MYO1F: variants seen among roughly 807,000 people sequenced by gnomAD.
MYO1F encodes myosin IF.
MYO1F carries 60 observed loss-of-function variants against 146.6 expected under a neutral mutation model. The ratio of observed to expected loss-of-function variants is 0.41; its 90% confidence interval spans 0.33 to 0.51. The LOEUF (loss-of-function observed/expected upper bound fraction) is 0.51, where lower values mean the gene tolerates loss of function less well. MYO1F is among the 20% of genes least tolerant of loss of function. The probability of loss-of-function intolerance (pLI) is 0.25; values close to 1 mark genes in which losing one functional copy is unlikely to be tolerated. For synonymous variants in MYO1F, 602 were observed against 602.1 expected (o/e 1.00, Z 0.00); for missense variants, 1,274 against 1,534.3 (o/e 0.83, Z 2.83).
At chr19:8,540,266 A>G (rs1599945259) in intron 15 of MYO1F, 1 of 440,220 alleles carries the variant, frequency 2.3e-6, no homozygotes, top group African/African-American at 2.0e-5. Context: ...GCAGCCTGGA[A>G]CTCCTGGGCT....
rs368629918 is a variant in MYO1F at position 8,553,542 on chromosome 19, G to A, written c.327-105C>T. The A allele has an allele frequency of 6.2e-4, 549 of 891,830 alleles. 4 individuals carry two copies. In the East Asian group the frequency reaches 6.6e-3, roughly 11 times the overall value. 55.2% of individuals were successfully genotyped at this position (891,830 alleles called of 1,614,324 possible). A position where few individuals can be genotyped will look rare whatever the true frequency, so the allele number is the denominator to read the frequency against. ...CCTACTGTGTGCCTGCCAGTATTCC[G>A]GGTACTGGGGATACTGTAATGAACA... is the stretch of plus-strand genomic sequence containing the variant. On this transcript the variant is annotated intron_variant, in intron 4 of 27. Coordinates refer to ENST00000644032, the MANE Select transcript of MYO1F (RefSeq NM_012335.4).
intron 25 of MYO1F, among the ~76,000 whole-genome samples, chr19:8,523,694 G>A (rs1326902565): frequency 6.6e-6 from 1 of 151,880 alleles, no homozygotes; most frequent in African/African-American, 2.4e-5. Flanking sequence ...TTGCTCTGTG[G>A]CCCAGGATGG....
rs762571645 is a variant in MYO1F at position 8,550,678 on chromosome 19, A to G, written c.788T>C (p.Ile263Thr). Residue 263 changes from isoleucine (I) to threonine (T), a missense_variant, in exon 9 of 28, where the codon ATT becomes ACT. By Grantham distance (89) the Ile-to-Thr change is moderately conservative. This residue lies in a region of MYO1F where 900 missense variants were observed against 1,155.1 expected (regional missense o/e 0.78). Transcript: ENST00000644032. ...CTGCTGGATGCTGGGCGGGATCCCA[A>G]TAACCTGCATAGCACTCTGTGGTAC... ...FGETLSAMQV[I>T]GIPPSIQQLV... is the part of the protein sequence containing the mutation. 12 of 1,614,100 alleles carry G rather than the reference A, an allele frequency of 7.4e-6. No homozygotes were observed. Among genetic ancestry groups the G allele is most frequent in the Admixed American group, 1.7e-5 (1 of 60,010 alleles).
chr19:8,531,818 C>T (rs1000791863), intron 19 of MYO1F, among the ~76,000 whole-genome samples: 1 of 152,000 alleles, frequency 6.6e-6, no homozygotes, highest in African/African-American at 2.4e-5. Flanking sequence ...CAATAAAATA[C>T]AGTAAATATG....
intron 19 of MYO1F, among the ~76,000 whole-genome samples, chr19:8,534,068 A>G (rs1401553739): frequency 2.6e-5 from 4 of 151,546 alleles, no homozygotes; most frequent in Admixed American, 2.6e-4. Flanking sequence ...AATTCCAGCT[A>G]CTTGGGAGGC....
chr19:8,539,586 ACT>A (rs1972870934), intron 16 of MYO1F, among the ~76,000 whole-genome samples: 2 of 136,322 alleles, frequency 1.5e-5, no homozygotes, highest in South Asian at 2.2e-4. Context: ...ACAGAGCAAG[ACT>A]CTGTCTCAAA....
At chr19:8,569,679 AG>A (rs2042073506) in intron 1 of MYO1F, among the ~76,000 whole-genome samples, 1 of 151,980 alleles carries the variant, frequency 6.6e-6, no homozygotes, top group Non-Finnish European at 1.5e-5. Flanking sequence ...GAGAGGTGAG[AG>A]GGCTTCCTGT....
chr19:8,572,854 C>A (rs1036710782), intron 1 of MYO1F, among the ~76,000 whole-genome samples: 1 of 152,134 alleles, frequency 6.6e-6, no homozygotes. Flanking sequence ...TGCCACCATG[C>A]CTGGCTAACT....
Position 8,526,590 on chromosome 19 carries a change from C to A in MYO1F, c.2633G>T (p.Arg878Leu). ...PLTFSDTLQF[R>L]VKKEGWGGGG... ...ACCGCCCCAGCCCTCCTTCTTCACC[C>A]GAAACTGTAGTCTATGGGGAGAGAA... The change falls in exon 24 of 28, where the codon CGG becomes CTG. Residue 878 changes from arginine (R) to leucine (L), a missense_variant. This residue lies in a region of MYO1F where 374 missense variants were observed against 379.2 expected (regional missense o/e 0.99). Transcript: ENST00000644032. 6.3e-7 allele frequency: 1 copy of A among 1,596,640 alleles called. No individual in the cohort carries two copies. Among genetic ancestry groups the A allele is most frequent in the Non-Finnish European group, 8.5e-7 (1 of 1,173,798 alleles).
intron 15 of MYO1F, among the ~76,000 whole-genome samples, chr19:8,541,111 G>A (rs1197477462): frequency 6.6e-6 from 1 of 151,998 alleles, no homozygotes; most frequent in African/African-American, 2.4e-5. Flanking sequence ...AGCCTCCCGA[G>A]TAGCTGGGAC....
intron 1 of MYO1F, among the ~76,000 whole-genome samples, chr19:8,558,091 C>T (rs1480535893): frequency 6.6e-6 from 1 of 152,156 alleles, no homozygotes; most frequent in Non-Finnish European, 1.5e-5. Context: ...CTTCACCTTG[C>T]CCCTCAGCAG....
At chr19:8,542,296 C>A (rs1053695221) in intron 14 of MYO1F, among the ~76,000 whole-genome samples, 23 of 120,938 alleles carry the variant, frequency 1.9e-4, no homozygotes, top group African/African-American at 6.6e-4. Context: ...CAGCTTGCAT[C>A]AGAGGCCGGG....
At chr19:8,522,062 G>T (rs139638434) in intron 27 of MYO1F, among the ~76,000 whole-genome samples, 3 of 144,332 alleles carry the variant, frequency 2.1e-5, no homozygotes, top group Non-Finnish European at 4.5e-5. Context: ...TCGCTCTATC[G>T]CCCAGGCTGG....
rs1458527657 is a variant in MYO1F at position 8,526,492 on chromosome 19, G to C, written c.2731C>G (p.Leu911Val). The change falls in exon 24 of 28, where the codon CTC becomes GTC. Residue 911 changes from leucine to valine, a missense_variant. Coordinates refer to ENST00000644032, the MANE Select transcript of MYO1F (RefSeq NM_012335.4). Reference sequence around the variant, plus strand: ...AGCCCATCGCCCACGCTGACCGTGAGGGTCCGACCGCCAACCTTGAGCACT... The same window carrying C: ...AGCCCATCGCCCACGCTGACCGTGACGGTCCGACCGCCAACCTTGAGCACT... ...LAVLKVGGRTLTVSVGDGLPK... is the reference protein window; with the variant it reads ...LAVLKVGGRTVTVSVGDGLPK... 6.4e-7 allele frequency: 1 copy of C among 1,571,138 alleles called. No homozygotes were observed. Among genetic ancestry groups the C allele is most frequent in the Non-Finnish European group, 8.6e-7 (1 of 1,158,774 alleles).
In MYO1F at chr19:8,527,899, C is replaced by T. The variant is rs191454151; in HGVS notation, c.2329-416G>A. On this transcript the variant is annotated intron_variant, in intron 21 of 27. Coordinates refer to ENST00000644032, the MANE Select transcript of MYO1F (RefSeq NM_012335.4). The stretch of plus-strand genomic sequence containing the variant: ...AAGGGTTGGGATTACAGGTGTGCGC[C>T]ACCACGCCTGGCCATGAGTTGTTAT... 3.7e-3 allele frequency among the ~76,000 whole-genome samples: 561 copies of T among 152,322 alleles called. 7 individuals are homozygous for T. Among genetic ancestry groups the T allele is most frequent in the African/African-American group, 0.013 (534 of 41,570 alleles).
intron 1 of MYO1F, among the ~76,000 whole-genome samples, chr19:8,560,453 C>T (rs910238190): frequency 1.5e-4 from 23 of 150,988 alleles, no homozygotes; most frequent in African/African-American, 5.4e-4. Flanking sequence ...CCATTGCACT[C>T]CAACCTGGGC....
chr19:8,531,076 G>A (rs1278058258), intron 19 of MYO1F, among the ~76,000 whole-genome samples: 1 of 150,806 alleles, frequency 6.6e-6, no homozygotes, highest in Non-Finnish European at 1.5e-5. Flanking sequence ...AAAAAAAGCT[G>A]GTGGCTCATG....
rs947547706 is a variant in MYO1F, at chr19:8,556,470, C to G, written c.4-674G>C. 2.2e-5 allele frequency among the ~76,000 whole-genome samples: 3 copies of G among 137,168 alleles called. No homozygotes were observed. The South Asian group carries it at 6.7e-4, about 31-fold the overall frequency. 90.0% of individuals were successfully genotyped at this position (137,168 alleles called of 152,430 possible). A position where few individuals can be genotyped will look rare whatever the true frequency, so the allele number is the denominator to read the frequency against. On this transcript the variant is annotated intron_variant, in intron 1 of 27. Coordinates refer to ENST00000644032, the MANE Select transcript of MYO1F (RefSeq NM_012335.4). ...CAGCCTGGGCAACATAGCGAGGCCC[C>G]GTCTCTATAAAAAAAGAAAGAAAGA... is the stretch of plus-strand genomic sequence containing the variant.
chr19:8,556,504 AAG>A (rs1458740174), intron 1 of MYO1F, among the ~76,000 whole-genome samples: 6 of 118,790 alleles, frequency 5.1e-5, no homozygotes, highest in East Asian at 5.4e-4. Flanking sequence ...GAAAGAAAGA[AAG>A]AGAAAGAAAG....
Sources: gnomAD v4.1 joint callset for allele counts (sites outside exome capture counted in the v4.1 genomes callset) on GRCh38, gnomAD v4.1.1 for gene constraint, gnomAD v4.1.1 regional missense constraint, MANE v1.5 for transcripts, NCBI Gene and HGNC (gene_info 2026-07-23, HGNC 2026-07-21) for gene names.